BLOC1S5: variants seen among roughly 807,000 people sequenced by gnomAD.
BLOC1S5 encodes biogenesis of lysosome-related organelles complex 1 subunit 5.
A neutral mutation model predicts 24.3 loss-of-function variants in BLOC1S5; 27 were observed. That is an observed-to-expected ratio of 1.11 (90% CI 0.82 to 1.53). The LOEUF (loss-of-function observed/expected upper bound fraction) is 1.53. Among genes scored for constraint, BLOC1S5 ranks in the 40% most tolerant of loss-of-function variants. BLOC1S5 has a pLI of 0.00. For synonymous variants in BLOC1S5, 84 were observed against 74.5 expected, an observed-to-expected ratio of 1.13 and a Z score of -0.66; for missense variants, 239 against 229.4, an observed-to-expected ratio of 1.04 and a Z score of -0.27.
At chr6:8,054,606 G>C (rs535892709) in intron 2 of BLOC1S5, among the ~76,000 whole-genome samples, 4 of 152,348 alleles carry the variant, frequency 2.6e-5, no homozygotes, top group African/African-American at 9.6e-5. Flanking sequence ...TCTGGCATGA[G>C]ACAGATATAT....
intron 3 of BLOC1S5, among the ~76,000 whole-genome samples, chr6:8,036,088 A>C (rs1763475953): frequency 6.8e-6 from 1 of 147,998 alleles, no homozygotes; most frequent in African/African-American, 2.7e-5. Flanking sequence ...GGAAACTTGG[A>C]AAATACACAC....
At chr6:8,033,125 T>C (rs139772497) in intron 3 of BLOC1S5, among the ~76,000 whole-genome samples, 63 of 152,226 alleles carry the variant, frequency 4.1e-4, no homozygotes, top group Admixed American at 1.3e-3. Context: ...TGGAAAAAAC[T>C]ACTTTAAACT....
At chr6:8,052,025 G>C (rs1764124425) in intron 2 of BLOC1S5, among the ~76,000 whole-genome samples, 1 of 148,982 alleles carries the variant, frequency 6.7e-6, no homozygotes, top group African/African-American at 2.5e-5. Flanking sequence ...TGGAGTGCAG[G>C]GTGCGATCTC....
At chr6:8,037,066 T>C (rs1763514220) in intron 3 of BLOC1S5, among the ~76,000 whole-genome samples, 1 of 152,028 alleles carries the variant, frequency 6.6e-6, no homozygotes, top group Non-Finnish European at 1.5e-5. Context: ...TCCTATAAGA[T>C]CCAGAACAAG....
chr6:8,051,589 T>C (rs1764106920), intron 2 of BLOC1S5, among the ~76,000 whole-genome samples: 1 of 152,236 alleles, frequency 6.6e-6, no homozygotes, highest in African/African-American at 2.4e-5. Context: ...GAAAACGCCA[T>C]CTAGGACTTT....
chr6:8,023,771 G>T (rs768085091), intron 4 of BLOC1S5, among the ~76,000 whole-genome samples: 1 of 152,088 alleles, frequency 6.6e-6, no homozygotes, highest in Non-Finnish European at 1.5e-5. Context: ...GTTTACATTG[G>T]CTAGATGAGA....
intron 2 of BLOC1S5, among the ~76,000 whole-genome samples, chr6:8,058,244 G>T (rs1345749150): frequency 2.0e-5 from 3 of 151,590 alleles, no homozygotes; most frequent in African/African-American, 7.3e-5. Flanking sequence ...TGTAGGCCGA[G>T]CATGGTGGCT....
intron 4 of BLOC1S5, among the ~76,000 whole-genome samples, chr6:8,016,091 C>T (rs947902373): frequency 2.0e-5 from 3 of 152,084 alleles, no homozygotes; most frequent in East Asian, 1.9e-4. Flanking sequence ...TCTGGGAGGC[C>T]GAAGCCGGTG....
chr6:8,052,895 CA>C (rs572772278), intron 2 of BLOC1S5, among the ~76,000 whole-genome samples: 292 of 115,402 alleles, frequency 2.5e-3, no homozygotes, highest in Admixed American at 2.5e-3. Flanking sequence ...GAGACTCTGT[CA>C]AAAAAAAAAA....
chr6:8,015,397 T>G lies in BLOC1S5; in HGVS notation c.*252A>C. ...GATCAATTCTGACTAACAAAGAGTA[T>G]ATTGATTCCATTTTCCTTCCTACTC... On this transcript the variant is annotated 3_prime_UTR_variant, in exon 5 of 5. Coordinates refer to ENST00000397457, the MANE Select transcript of BLOC1S5 (RefSeq NM_201280.3). 1 of 418,444 alleles carries G rather than the reference T, an allele frequency of 2.4e-6. No individual in the cohort carries two copies. Among genetic ancestry groups the G allele is most frequent in the Admixed American group, 4.0e-5 (1 of 24,798 alleles). 25.9% of individuals were successfully genotyped at this position (418,444 alleles called of 1,614,324 possible). A position where few individuals can be genotyped will look rare whatever the true frequency, so the allele number is the denominator to read the frequency against.
At chr6:8,034,621 T>G (rs1763423343) in intron 3 of BLOC1S5, among the ~76,000 whole-genome samples, 1 of 152,016 alleles carries the variant, frequency 6.6e-6, no homozygotes, top group Non-Finnish European at 1.5e-5. Flanking sequence ...ACTTAAAGTA[T>G]AATAATAATA....
chr6:8,022,567 TATTTTTTTTTTC>T (rs773753794), intron 4 of BLOC1S5, among the ~76,000 whole-genome samples: 1 of 82,744 alleles, frequency 1.2e-5, no homozygotes, highest in Non-Finnish European at 2.6e-5. Context: ...TTTCAAACTC[TATTTTTTTTTTC>T]TTTTTTTTTT....
At chr6:8,024,623 T>C (rs543970815) in intron 4 of BLOC1S5, among the ~76,000 whole-genome samples, 1 of 152,040 alleles carries the variant, frequency 6.6e-6, no homozygotes, top group African/African-American at 2.4e-5. Flanking sequence ...ACTTTTCAAT[T>C]TGCAAAATCA....
intron 2 of BLOC1S5, among the ~76,000 whole-genome samples, chr6:8,047,599 C>T (rs965437250): frequency 6.6e-6 from 1 of 152,110 alleles, no homozygotes; most frequent in Non-Finnish European, 1.5e-5. Flanking sequence ...CAATAGATTT[C>T]CCCTTTCACT....
At chr6:8,039,028 C>T (rs1424841263) in intron 3 of BLOC1S5, among the ~76,000 whole-genome samples, 1 of 152,052 alleles carries the variant, frequency 6.6e-6, no homozygotes, top group Non-Finnish European at 1.5e-5. Context: ...AAGCACTAGC[C>T]AAAATATGGA....
chr6:8,057,078 A>G (rs1764335851), intron 2 of BLOC1S5, among the ~76,000 whole-genome samples: 6 of 152,106 alleles, frequency 3.9e-5, no homozygotes, highest in Non-Finnish European at 8.8e-5. Flanking sequence ...AATTAGCTGG[A>G]CATGGTGGTA....
At chr6:8,060,893 C>T (rs1352918909) in intron 2 of BLOC1S5, among the ~76,000 whole-genome samples, 18 of 152,128 alleles carry the variant, frequency 1.2e-4, no homozygotes, top group Non-Finnish European at 4.4e-5. Context: ...GGCGCGTTCT[C>T]GGCTCACTGC....
At position 8,014,809 on chromosome 6, in the gene BLOC1S5, G is replaced by A. The variant is rs576283121; in HGVS notation, c.*840C>T. 2.0e-5 allele frequency: 3 copies of A among 152,442 alleles called. No individual in the cohort carries two copies. Among genetic ancestry groups the A allele is most frequent in the South Asian group, 2.1e-4 (1 of 4,824 alleles). The allele number at this position is 152,442 out of a possible 1,614,324, so 9.4% of individuals were successfully genotyped here. ...TTTGTTGATTACTCATTAAACAGTC[G>A]AAACATGTATAGACATTATTTATCT... On this transcript the variant is annotated 3_prime_UTR_variant, in exon 5 of 5. Transcript: ENST00000397457.
chr6:8,056,945 G>A (rs1395522545), intron 2 of BLOC1S5, among the ~76,000 whole-genome samples: 1 of 152,194 alleles, frequency 6.6e-6, no homozygotes, highest in Non-Finnish European at 1.5e-5. Context: ...GGCCTGGCGT[G>A]GTGGCTCACG....
Sources: gnomAD v4.1 joint callset for allele counts (sites outside exome capture counted in the v4.1 genomes callset) on GRCh38, gnomAD v4.1.1 for gene constraint, MANE v1.5 for transcripts, NCBI Gene and HGNC (gene_info 2026-07-23, HGNC 2026-07-21) for gene names.